The following LOXL4 variants were observed in gnomAD, a reference collection of about 807,000 sequenced individuals.
The protein encoded by LOXL4 is lysyl oxidase like 4.
LOXL4 carries 72 observed loss-of-function variants against 89.1 expected under a neutral mutation model. The ratio of observed to expected loss-of-function variants is 0.81; its 90% CI spans 0.67 to 0.98. LOXL4 has a LOEUF of 0.98. LOXL4 is among the 50% of genes least tolerant of loss of function. The probability of loss-of-function intolerance (pLI) is 0.00; values close to 1 mark genes in which losing one functional copy is unlikely to be tolerated. For synonymous variants in LOXL4, 355 were observed against 392.1 expected (o/e 0.91, Z 1.12); for missense variants, 984 against 1,017.5 (o/e 0.97, Z 0.45).
intron 6 of LOXL4, among the ~76,000 whole-genome samples, chr10:98,258,774 G>T (rs534587654): frequency 1.3e-5 from 2 of 152,300 alleles, no homozygotes; most frequent in African/African-American, 4.8e-5. Context: ...TTTAATTACT[G>T]TTTTTACGGT....
chr10:98,256,873 G>C lies in LOXL4; in HGVS notation c.1335C>G (p.Arg445=). The change falls in exon 9 of 15, where the codon CGC becomes CGG. Residue 445 remains arginine (R), a synonymous_variant. Coordinates refer to ENST00000260702, the MANE Select transcript of LOXL4 (RefSeq NM_032211.7). The part of the protein sequence containing the change: ...EVQVEVNGVP[R]WGSVCSENWG... ...AGTTTTCACTGCACACGCTCCCCCA[G>C]CGTGGGACCCCGTTCACCTCCACCT... The C allele has an allele frequency of 1.2e-6, 2 of 1,614,144 alleles. No homozygotes were observed. The highest frequency in any genetic ancestry group is 2.2e-5 in the South Asian group (2 of 91,090).
chr10:98,255,722 C>G lies in LOXL4; in HGVS notation c.1446G>C (p.Ser482=), dbSNP rs112190645. Residue 482 remains serine (S), a synonymous_variant, in exon 10 of 15, where the codon TCG becomes TCC. Transcript: ENST00000260702. ...CCACCTCCTGGGCCCTTGGCGTCCC[C>G]GACCAGAACCAGGTTTCCTAAGAAG... is the stretch of plus-strand genomic sequence containing the variant. The part of the protein sequence containing the change: ...IHAYKETWFW[S]GTPRAQEVVM... 2 of 1,611,276 alleles carry G rather than the reference C, an allele frequency of 1.2e-6. No individual in the cohort carries two copies. The highest frequency in any genetic ancestry group is 1.7e-6 in the Non-Finnish European group (2 of 1,177,666).
chr10:98,261,101 G>T lies in LOXL4; in HGVS notation c.483C>A (p.Leu161=), dbSNP rs763112314. ...PQGRRLEEVR[L]KPILASAKQH... ...GCTTGGCACTGGCAAGGATGGGCTT[G>T]AGCCGCACCTCCTCCAGCCGCCGGC... The change falls in exon 4 of 15, where the codon CTC becomes CTA. Residue 161 remains leucine (L), a synonymous_variant. Coordinates refer to ENST00000260702, the MANE Select transcript of LOXL4 (RefSeq NM_032211.7). 6 of 1,612,988 alleles carry T rather than the reference G, an allele frequency of 3.7e-6. No homozygotes were observed. The highest frequency in any genetic ancestry group is 3.4e-6 in the Non-Finnish European group (4 of 1,180,030).
At chr10:98,259,338 G>A in intron 5 of LOXL4, 53 bp downstream of exon 5, 1 of 1,597,272 alleles carries the variant, frequency 6.3e-7, no homozygotes, top group Non-Finnish European at 8.6e-7. Context: ...ATGGGATAGA[G>A]GCCCTTCATG....
intron 3 of LOXL4, among the ~76,000 whole-genome samples, chr10:98,261,560 C>G (rs1858543038): frequency 1.3e-5 from 2 of 152,194 alleles, no homozygotes; most frequent in African/African-American, 4.8e-5. Context: ...CAACCCTAGC[C>G]CTGGGATGAC....
intron 1 of LOXL4, among the ~76,000 whole-genome samples, chr10:98,263,429 C>T (rs1485903433): frequency 6.6e-6 from 1 of 152,184 alleles, no homozygotes; most frequent in East Asian, 1.9e-4. Flanking sequence ...AGCTCTTATA[C>T]ACCTAAAATC....
Position 98,253,665 on chromosome 10 carries a change from G to A in LOXL4, c.1723C>T (p.Pro575Ser), listed in dbSNP as rs202231313. The A allele has an allele frequency of 5.6e-5, 91 of 1,614,146 alleles. No individual in the cohort carries two copies. Among genetic ancestry groups the A allele is most frequent in the Middle Eastern group, 4.9e-4 (3 of 6,084 alleles). The stretch of plus-strand genomic sequence containing the variant: ...CGCAATAGGCGGCGGTATCCGTAGG[G>A]CCAGTCCATGTGATCCGCAGACTTG... The part of the protein sequence containing the change: ...LSKSADHMDW[P>S]YGYRRLLRFS... The change falls in exon 11 of 15, where the codon CCC (proline) becomes TCC (serine). Residue 575 changes from proline to serine, a missense_variant. Coordinates refer to ENST00000260702, the MANE Select transcript of LOXL4 (RefSeq NM_032211.7).
At chr10:98,258,984 T>A (rs1298832833) in intron 6 of LOXL4, 25 bp downstream of exon 6, 2 of 1,500,058 alleles carry the variant, frequency 1.3e-6, no homozygotes, top group Admixed American at 4.3e-5. Flanking sequence ...AGCTGTGGTG[T>A]GAGTGCAGGA....
intron 1 of LOXL4, among the ~76,000 whole-genome samples, chr10:98,265,595 A>G (rs1013512712): frequency 4.0e-5 from 4 of 98,978 alleles, no homozygotes; most frequent in Non-Finnish European, 7.0e-5. Context: ...TAGTAGAGAC[A>G]GGGTTTCACC....
chr10:98,253,743 C>T lies in LOXL4; in HGVS notation c.1645G>A (p.Glu549Lys). Residue 549 changes from glutamate (E) to lysine (K), a missense_variant, in exon 11 of 15, where the codon GAG (glutamate) becomes AAG (lysine). Coordinates refer to ENST00000260702, the MANE Select transcript of LOXL4 (RefSeq NM_032211.7). Reference protein sequence around the residue: ...AQLVQETAYLEDRPLSQLYCA... With the variant: ...AQLVQETAYLKDRPLSQLYCA... ...TACAGCTGGCTGAGCGGGCGGTCCT[C>T]CAAGTAGGCCGTCTCCTGCACTAGC... The T allele has an allele frequency of 3.1e-6, 5 of 1,614,190 alleles. No homozygotes were observed. The highest frequency in any genetic ancestry group is 2.5e-6 in the Non-Finnish European group (3 of 1,180,042).
At chr10:98,262,598 A>G (rs1461860357) in intron 2 of LOXL4, 145 bp downstream of exon 2, 2 of 1,005,756 alleles carry the variant, frequency 2.0e-6, no homozygotes, top group Non-Finnish European at 3.0e-6. Flanking sequence ...AGTAGGGGCC[A>G]TGTGCAGCTG....
In LOXL4 at chr10:98,262,990, A is replaced by T. The variant is rs374302422; in HGVS notation, c.30T>A (p.Phe10Leu). 1.2e-5 allele frequency: 20 copies of T among 1,613,526 alleles called. No homozygotes were observed. The highest frequency in any genetic ancestry group is 1.7e-5 in the Non-Finnish European group (20 of 1,179,960). Residue 10 changes from phenylalanine to leucine, a missense_variant, in exon 2 of 15, where the codon TTT becomes TTA. Transcript: ENST00000260702. ...GCTGGCCTAGCAGCAGCAGGAACAG[A>T]AAGAGGGTGGCTGGTGGGGACCACG... The part of the protein sequence containing the change: MAWSPPATL[F>L]LFLLLLGQPP...
chr10:98,255,417 A>T (rs545200024), intron 10 of LOXL4, among the ~76,000 whole-genome samples, 160 bp downstream of exon 10: 4 of 152,088 alleles, frequency 2.6e-5, no homozygotes, highest in African/African-American at 9.6e-5. Context: ...ATGGATCCTG[A>T]TGGGATGGGT....
intron 10 of LOXL4, among the ~76,000 whole-genome samples, chr10:98,255,072 A>G (rs1462138926): frequency 7.8e-6 from 1 of 127,638 alleles, no homozygotes; most frequent in Non-Finnish European, 1.7e-5. Context: ...AATGCCACAG[A>G]TGGCCTTGTC....
intron 10 of LOXL4, 48 bp downstream of exon 10, chr10:98,255,529 G>T (rs1207120202): frequency 6.4e-7 from 1 of 1,561,106 alleles, no homozygotes; most frequent in African/African-American, 1.4e-5. Flanking sequence ...CCCTGAAGGG[G>T]AGCACAGGCC....
At position 98,258,138 on chromosome 10, in the gene LOXL4, C is replaced by G. The variant is rs1442877032; in HGVS notation, c.948G>C (p.Gly316=). 6.2e-7 allele frequency: 1 copy of G among 1,612,710 alleles called. No individual in the cohort carries two copies. Among genetic ancestry groups the G allele is most frequent in the South Asian group, 1.1e-5 (1 of 91,056 alleles). ...CCACCCGGCCCTCGCCCACCTGGGC[C>G]CCGGAGCGCAGGCGCACCCTCGGCT... is the stretch of plus-strand genomic sequence containing the variant. The part of the protein sequence containing the change: ...AEEPRVRLRS[G]AQVGEGRVEV... The change falls in exon 7 of 15, where the codon GGG becomes GGC. Residue 316 remains glycine (G), a synonymous_variant. Coordinates refer to ENST00000260702, the MANE Select transcript of LOXL4 (RefSeq NM_032211.7).
Position 98,258,051 on chromosome 10 carries a change from G to C in LOXL4, c.1035C>G (p.Ala345=), listed in dbSNP as rs1347795657. The C allele has an allele frequency of 6.2e-7, 1 of 1,613,814 alleles. No individual in the cohort carries two copies. Among genetic ancestry groups the C allele is most frequent in the Non-Finnish European group, 8.5e-7 (1 of 1,179,996 alleles). Residue 345 remains alanine (A), a synonymous_variant, in exon 7 of 15, where the codon GCC becomes GCG. Transcript: ENST00000260702. ...VCDHRWNLIS[A]SVVCRQLGFG... ...AGCCCAGCTGACGACACACGACACT[G>C]GCAGAGATGAGGTTCCACCTGTGGT... is the stretch of plus-strand genomic sequence containing the variant.
Position 98,258,053 on chromosome 10 carries a change from C to A in LOXL4, c.1033G>T (p.Ala345Ser), listed in dbSNP as rs768779323. ...VCDHRWNLIS[A>S]SVVCRQLGFG... is the part of the protein sequence containing the mutation. ...CCCAGCTGACGACACACGACACTGG[C>A]AGAGATGAGGTTCCACCTGTGGTCA... is the stretch of plus-strand genomic sequence containing the variant. The change falls in exon 7 of 15, where the codon GCC becomes TCC. Residue 345 changes from alanine (A) to serine (S), a missense_variant. By Grantham distance (99) the Ala-to-Ser change is moderately conservative. Transcript: ENST00000260702. 2.5e-6 allele frequency: 4 copies of A among 1,613,832 alleles called. No homozygotes were observed. The highest frequency in any genetic ancestry group is 3.4e-6 in the Non-Finnish European group (4 of 1,180,024).
chr10:98,256,439 G>C (rs1983867), intron 9 of LOXL4: 146,262 of 329,924 alleles, frequency 0.44, 34,694 homozygotes, highest in East Asian at 0.72. Flanking sequence ...TCTCGAGAGA[G>C]AGCCACACTA....
Sources: gnomAD v4.1 joint callset for allele counts (sites outside exome capture counted in the v4.1 genomes callset) on GRCh38, gnomAD v4.1.1 for gene constraint, MANE v1.5 for transcripts, NCBI Gene and HGNC (gene_info 2026-07-23, HGNC 2026-07-21) for gene names.